Variants in ZMIZ1 observed in about 807,000 individuals in gnomAD.
The protein encoded by ZMIZ1 is zinc finger MIZ domain-containing protein 1.
Under a neutral mutation model 113.9 loss-of-function variants are expected in ZMIZ1, and 17 were observed. That is an observed-to-expected ratio of 0.15 (90% CI 0.10 to 0.22). The LOEUF (loss-of-function observed/expected upper bound fraction) is 0.22, where lower values mean the gene tolerates loss of function less well. ZMIZ1 is among the 10% of genes least tolerant of loss of function. ZMIZ1 has a pLI of 1.00. For missense variants in ZMIZ1, 1,059 were observed against 1,477.8 expected (o/e 0.72, Z 4.65); for synonymous variants, 607 against 603.1 (o/e 1.01, Z -0.09).
chr10:79,257,761 G>A (rs1851013139), intron 7 of ZMIZ1, among the ~76,000 whole-genome samples: 1 of 152,264 alleles, frequency 6.6e-6, no homozygotes, highest in Admixed American at 6.5e-5. Flanking sequence ...CCAAGCCACA[G>A]AGACCTGGAC....
chr10:79,077,461 C>A (rs1304206936), intron 1 of ZMIZ1, among the ~76,000 whole-genome samples: 1 of 145,734 alleles, frequency 6.9e-6, no homozygotes, highest in Admixed American at 6.9e-5. Context: ...TGGGGTGTCT[C>A]ACTAAGAGTG....
At chr10:79,207,049 C>A (rs1848345753) in intron 5 of ZMIZ1, among the ~76,000 whole-genome samples, 1 of 152,242 alleles carries the variant, frequency 6.6e-6, no homozygotes, top group African/African-American at 2.4e-5. Flanking sequence ...GCTCAGGGAG[C>A]TGAGGGGACC....
At chr10:79,270,761 C>T (rs1425112863) in intron 7 of ZMIZ1, among the ~76,000 whole-genome samples, 1 of 152,174 alleles carries the variant, frequency 6.6e-6, no homozygotes, top group African/African-American at 2.4e-5. Flanking sequence ...GCGGATGTGG[C>T]AGTGACTATC....
intron 23 of ZMIZ1, among the ~76,000 whole-genome samples, chr10:79,307,924 C>T (rs577804590): frequency 1.3e-5 from 2 of 152,184 alleles, no homozygotes; most frequent in African/African-American, 2.4e-5. Flanking sequence ...TCACCTAACA[C>T]GGTTCCAGCC....
At chr10:79,310,299 C>A (rs1855038114) in intron 23 of ZMIZ1, among the ~76,000 whole-genome samples, 1 of 152,194 alleles carries the variant, frequency 6.6e-6, no homozygotes, top group Non-Finnish European at 1.5e-5. Flanking sequence ...GCCCACCCAG[C>A]CCTGCTCCTC....
intron 1 of ZMIZ1, among the ~76,000 whole-genome samples, chr10:79,114,184 C>A (rs1269381696): frequency 1.3e-5 from 2 of 152,198 alleles, no homozygotes; most frequent in Admixed American, 6.5e-5. Flanking sequence ...TGATCACTCT[C>A]CAGAAAACAC....
At chr10:79,165,148 G>T (rs535253007) in intron 4 of ZMIZ1, among the ~76,000 whole-genome samples, 2 of 152,208 alleles carry the variant, frequency 1.3e-5, no homozygotes, top group Non-Finnish European at 2.9e-5. Flanking sequence ...ATGCTGGTCT[G>T]TCTGGTGTAA....
intron 18 of ZMIZ1, among the ~76,000 whole-genome samples, chr10:79,302,745 G>A (rs1854400037): frequency 7.1e-6 from 1 of 140,996 alleles, no homozygotes; most frequent in African/African-American, 2.7e-5. Flanking sequence ...CCAGGCTGGA[G>A]TGCAGTGGCA....
intron 7 of ZMIZ1, among the ~76,000 whole-genome samples, chr10:79,235,611 T>C (rs1401709948): frequency 1.3e-5 from 2 of 152,160 alleles, no homozygotes; most frequent in East Asian, 3.9e-4. Context: ...CCAAATCAGG[T>C]TCACCCACCC....
intron 1 of ZMIZ1, among the ~76,000 whole-genome samples, chr10:79,091,745 C>A (rs1019610750): frequency 2.0e-5 from 3 of 152,082 alleles, no homozygotes; most frequent in Non-Finnish European, 4.4e-5. Flanking sequence ...TCAGCCAGCA[C>A]CCATGGACTT....
At chr10:79,281,228 G>A (rs1212643735) in intron 8 of ZMIZ1, among the ~76,000 whole-genome samples, 1 of 152,198 alleles carries the variant, frequency 6.6e-6, no homozygotes, top group Non-Finnish European at 1.5e-5. Flanking sequence ...AGGTATTTCT[G>A]TGCTCGAGGA....
intron 7 of ZMIZ1, among the ~76,000 whole-genome samples, chr10:79,226,947 A>G (rs1849222865): frequency 6.6e-6 from 1 of 152,222 alleles, no homozygotes; most frequent in Non-Finnish European, 1.5e-5. Context: ...TTTTCTCTGT[A>G]ACAGGCACTG....
In ZMIZ1 at chr10:79,297,813, C is replaced by T. The variant is rs950199918; in HGVS notation, c.1491+123C>T. 5.2e-6 allele frequency: 4 copies of T among 771,400 alleles called. No homozygotes were observed. The African/African-American group carries it at 7.0e-5, about 14-fold the overall frequency. The allele number at this position is 771,400 out of a possible 1,614,324, so 47.8% of individuals were successfully genotyped here. On this transcript the variant is annotated intron_variant, in intron 14 of 24. Coordinates refer to ENST00000334512, the MANE Select transcript of ZMIZ1 (RefSeq NM_020338.4). ...GGGCCCATGGGTGGGGGTGCACTCC[C>T]TGGTCCCCTGTCCTGGGGACAGAGA...
chr10:79,125,170 T>A (rs1844463436), intron 2 of ZMIZ1, among the ~76,000 whole-genome samples: 1 of 152,178 alleles, frequency 6.6e-6, no homozygotes, highest in Admixed American at 6.5e-5. Flanking sequence ...TCTTCTCAAA[T>A]GCTGCAAGAT....
intron 7 of ZMIZ1, among the ~76,000 whole-genome samples, chr10:79,258,370 G>T (rs375033963): frequency 5.3e-5 from 8 of 152,084 alleles, no homozygotes; most frequent in African/African-American, 1.9e-4. Context: ...GGTGGATAGA[G>T]CCAAATCCTG....
rs575194223 is a variant in ZMIZ1, at chr10:79,291,946, G to T, written c.759-212G>T. On this transcript the variant is annotated intron_variant, in intron 10 of 24. Coordinates refer to ENST00000334512, the MANE Select transcript of ZMIZ1 (RefSeq NM_020338.4). ...GGGCTCACCAGGGCCCCGACAGCAT[G>T]CAGTGAGGGTGCAGGCACCCCCAAG... Among the ~76,000 whole-genome samples the T allele has an allele frequency of 3.9e-5, 6 of 152,348 alleles. No individual in the cohort carries two copies. The South Asian group carries it at 1.2e-3, about 32-fold the overall frequency.
chr10:79,073,109 G>T (rs1266052903), intron 1 of ZMIZ1, among the ~76,000 whole-genome samples: 12 of 152,178 alleles, frequency 7.9e-5, no homozygotes, highest in African/African-American at 2.2e-4. Context: ...GAGGAGATGG[G>T]CGAGAGGACC....
At chr10:79,253,132 G>A (rs1374074054) in intron 7 of ZMIZ1, among the ~76,000 whole-genome samples, 2 of 152,178 alleles carry the variant, frequency 1.3e-5, no homozygotes, top group African/African-American at 4.8e-5. Context: ...TGAGAAGTAG[G>A]GCTGAGCCTG....
chr10:79,297,656 G>C lies in ZMIZ1; in HGVS notation c.1457G>C (p.Ser486Thr), dbSNP rs144230790. ...CAAAATAACACGTTCTCGGGAAGCAGCTACAGTAACTACAGCCAAGGGAAT... is the reference window on the plus strand; with the variant it reads ...CAAAATAACACGTTCTCGGGAAGCACCTACAGTAACTACAGCCAAGGGAAT... ...NGQNNTFSGSSYSNYSQGNVN... is the reference protein window; with the variant it reads ...NGQNNTFSGSTYSNYSQGNVN... Residue 486 changes from serine to threonine, a missense_variant, in exon 14 of 25, where the codon AGC (serine) becomes ACC (threonine). Around this residue, in one of 6 missense-constraint regions of ZMIZ1, gnomAD observed 239 missense variants for 247.5 expected, o/e 0.97. Coordinates refer to ENST00000334512, the MANE Select transcript of ZMIZ1 (RefSeq NM_020338.4). 4 of 1,614,022 alleles carry C rather than the reference G, an allele frequency of 2.5e-6. No homozygotes were observed. Among genetic ancestry groups the C allele is most frequent in the Middle Eastern group, 1.6e-4 (1 of 6,080 alleles).
Sources: gnomAD v4.1 joint callset for allele counts (sites outside exome capture counted in the v4.1 genomes callset) on GRCh38, gnomAD v4.1.1 for gene constraint, gnomAD v4.1.1 regional missense constraint, MANE v1.5 for transcripts, NCBI Gene and HGNC (gene_info 2026-07-23, HGNC 2026-07-21) for gene names.